Variants in HPSE2 observed in about 807,000 individuals in gnomAD.
HPSE2 encodes inactive heparanase-2.
Under a neutral mutation model 60.5 loss-of-function variants are expected in HPSE2, and 38 were observed. The ratio of observed to expected loss-of-function variants is 0.63; its 90% CI spans 0.48 to 0.82. HPSE2 has a LOEUF of 0.82. HPSE2 is among the 40% of genes least tolerant of loss of function. HPSE2 has a pLI of 0.00. For missense variants in HPSE2, 713 were observed against 740.4 expected, an observed-to-expected ratio of 0.96 and a Z score of 0.43; for synonymous variants, 295 against 293.2, an observed-to-expected ratio of 1.01 and a Z score of -0.06.
intron 6 of HPSE2, among the ~76,000 whole-genome samples, chr10:98,674,710 T>C (rs477293): frequency 0.35 from 53,571 of 151,848 alleles, 9,672 homozygotes; most frequent in Admixed American, 0.41. Context: ...AGGTCAGGAG[T>C]TCGAGACCAG....
intron 4 of HPSE2, among the ~76,000 whole-genome samples, chr10:98,727,389 G>A (rs930541263): frequency 1.3e-5 from 2 of 152,172 alleles, no homozygotes; most frequent in Admixed American, 1.3e-4. Context: ...AGTGGCTCAT[G>A]CCTGTAATCC....
At chr10:98,622,167 T>C (rs1565023623) in intron 7 of HPSE2, among the ~76,000 whole-genome samples, 1 of 152,072 alleles carries the variant, frequency 6.6e-6, no homozygotes, top group Non-Finnish European at 1.5e-5. Context: ...ATAAAGTCAA[T>C]GTAAATCCAA....
intron 5 of HPSE2, among the ~76,000 whole-genome samples, chr10:98,702,855 C>T (rs1948447327): frequency 6.6e-6 from 1 of 152,090 alleles, no homozygotes; most frequent in African/African-American, 2.4e-5. Flanking sequence ...AACACCCTAA[C>T]ATCACAGTTA....
chr10:99,221,622 A>C, intron 2 of HPSE2, among the ~76,000 whole-genome samples: 1 of 152,174 alleles, frequency 6.6e-6, no homozygotes, highest in South Asian at 2.1e-4. Flanking sequence ...AAGGAGAAAA[A>C]ACTTGAGCAG....
intron 9 of HPSE2, among the ~76,000 whole-genome samples, chr10:98,570,411 C>CGACTTGGT (rs1944461336): frequency 6.6e-6 from 1 of 150,988 alleles, no homozygotes; most frequent in South Asian, 2.1e-4. Context: ...CTGCCTGCTT[C>CGACTTGGT]AGAACTTTCC....
At chr10:98,829,309 C>T (rs1468234473) in intron 3 of HPSE2, among the ~76,000 whole-genome samples, 3 of 152,108 alleles carry the variant, frequency 2.0e-5, no homozygotes, top group African/African-American at 7.2e-5. Flanking sequence ...GCAGGTGGAT[C>T]ACGAGGTCAG....
chr10:98,700,250 A>T (rs971977020), intron 5 of HPSE2, among the ~76,000 whole-genome samples: 50 of 150,634 alleles, frequency 3.3e-4, no homozygotes, highest in African/African-American at 1.1e-3. Context: ...ACTATACTAC[A>T]AGGCTACAGT....
At chr10:99,276,661 G>A in the HPSE2 span, among the ~76,000 whole-genome samples, 1 of 151,938 alleles carries the variant, frequency 6.6e-6, no homozygotes, top group Admixed American at 6.6e-5. Context: ...GCTGCTATTA[G>A]TAATAGCAGA....
At chr10:99,184,861 G>C (rs868594069) in intron 2 of HPSE2, among the ~76,000 whole-genome samples, 18 of 113,924 alleles carry the variant, frequency 1.6e-4, no homozygotes, top group Admixed American at 5.6e-4. Context: ...GAGAGAGAGA[G>C]AGACAGAAAC....
intron 9 of HPSE2, among the ~76,000 whole-genome samples, chr10:98,569,437 T>C (rs1944436660): frequency 6.6e-6 from 1 of 152,216 alleles, no homozygotes; most frequent in South Asian, 2.1e-4. Flanking sequence ...ATAAACTTAA[T>C]GATACATTTA....
intron 3 of HPSE2, among the ~76,000 whole-genome samples, chr10:99,093,120 T>C (rs1158504332): frequency 6.6e-6 from 1 of 151,966 alleles, no homozygotes; most frequent in Non-Finnish European, 1.5e-5. Flanking sequence ...CCCACCTACT[T>C]GGGAGGCTGA....
chr10:99,199,834 T>G (rs1489376685), intron 2 of HPSE2, among the ~76,000 whole-genome samples: 1 of 152,162 alleles, frequency 6.6e-6, no homozygotes. Flanking sequence ...ACATTGAGAT[T>G]CTGATAGGGA....
intron 2 of HPSE2, among the ~76,000 whole-genome samples, chr10:99,206,041 T>C (rs1169059292): frequency 6.6e-6 from 1 of 152,176 alleles, no homozygotes; most frequent in Non-Finnish European, 1.5e-5. Flanking sequence ...AGAAAAGTAA[T>C]GACATTATAA....
chr10:98,779,468 A>G (rs1331974409), intron 3 of HPSE2, among the ~76,000 whole-genome samples: 1 of 152,122 alleles, frequency 6.6e-6, no homozygotes. Context: ...ACTTTCCACA[A>G]TTTCACCCCT....
chr10:98,607,627 C>T (rs2133959002), intron 9 of HPSE2, among the ~76,000 whole-genome samples: 1 of 152,286 alleles, frequency 6.6e-6, no homozygotes, highest in Middle Eastern at 3.4e-3. Context: ...GTCAATTCCT[C>T]TCAAGTGAAG....
intron 2 of HPSE2, among the ~76,000 whole-genome samples, chr10:99,205,324 C>A (rs1164917119): frequency 6.6e-6 from 1 of 152,124 alleles, no homozygotes; most frequent in Admixed American, 6.5e-5. Context: ...TGTAGTGGCT[C>A]ACACCTATAA....
At chr10:98,915,308 C>T (rs935482318) in intron 3 of HPSE2, among the ~76,000 whole-genome samples, 2 of 151,856 alleles carry the variant, frequency 1.3e-5, no homozygotes, top group Non-Finnish European at 2.9e-5. Flanking sequence ...CCACCATGCC[C>T]GGCTAATTTT....
chr10:98,718,322 G>A (rs1230602574), intron 5 of HPSE2, among the ~76,000 whole-genome samples: 2 of 152,040 alleles, frequency 1.3e-5, no homozygotes, highest in Non-Finnish European at 2.9e-5. Flanking sequence ...TACTAAATAC[G>A]AACATGAAGA....
At position 98,482,623 on chromosome 10, in the gene HPSE2, G is replaced by C. The variant is rs2133647771; in HGVS notation, c.1613+13C>G. 3 of 1,614,092 alleles carry C rather than the reference G, an allele frequency of 1.9e-6. No homozygotes were observed. Among genetic ancestry groups the C allele is most frequent in the South Asian group, 2.2e-5 (2 of 91,074 alleles). The stretch of plus-strand genomic sequence containing the variant: ...TGCACTTGCTCCCGAGCTATTTTCA[G>C]GTTGGCACGTACTTGGACTTTAGGC... On this transcript the variant is annotated intron_variant, in intron 11 of 11. Coordinates refer to ENST00000370552, the MANE Select transcript of HPSE2 (RefSeq NM_021828.5).
Sources: gnomAD v4.1 joint callset for allele counts (sites outside exome capture counted in the v4.1 genomes callset) on GRCh38, gnomAD v4.1.1 for gene constraint, MANE v1.5 for transcripts, NCBI Gene and HGNC (gene_info 2026-07-23, HGNC 2026-07-21) for gene names.